The following GAREM1 variants were observed in gnomAD, a reference collection of about 807,000 sequenced individuals.
GAREM1 encodes the protein GRB2 associated regulator of MAPK1 subtype 1.
Under a neutral mutation model 71.3 loss-of-function variants are expected in GAREM1, and 26 were observed. The observed-to-expected ratio is 0.36, with a 90% CI of 0.27 to 0.51. The LOEUF is 0.51. GAREM1 is among the 20% of genes least tolerant of loss of function. The pLI, the probability that GAREM1 is intolerant of heterozygous loss-of-function variation, is 0.95. For synonymous variants in GAREM1, 440 were observed against 433.2 expected, an observed-to-expected ratio of 1.02 and a Z score of -0.20; for missense variants, 1,026 against 1,103.1, an observed-to-expected ratio of 0.93 and a Z score of 0.99.
rs565095348 is a variant in GAREM1 at position 32,272,557 on chromosome 18, T to C, written c.1567-2174A>G. 3.9e-5 allele frequency among the ~76,000 whole-genome samples: 6 copies of C among 151,998 alleles called. No homozygotes were observed. In the South Asian group the frequency reaches 1.2e-3, roughly 32 times the overall value. On this transcript the variant is annotated intron_variant, in intron 4 of 5. Coordinates refer to ENST00000269209, the MANE Select transcript of GAREM1 (RefSeq NM_001242409.2). ...AAAGGATGCCCGGGAGGAAATGAAG[T>C]TTGGATAATCACGTGAGAGGAATGC...
At chr18:32,413,372 C>T in intron 1 of GAREM1, 1 of 639,222 alleles carries the variant, frequency 1.6e-6, no homozygotes, top group Non-Finnish European at 2.7e-6. Context: ...ATACAAATGT[C>T]AATGCTGAAA....
At chr18:32,395,051 T>A (rs1362017820) in intron 1 of GAREM1, among the ~76,000 whole-genome samples, 1 of 152,202 alleles carries the variant, frequency 6.6e-6, no homozygotes, top group African/African-American at 2.4e-5. Flanking sequence ...CTTCTATAAA[T>A]ATTGTAATTC....
chr18:32,357,605 C>A (rs111506463), intron 2 of GAREM1, among the ~76,000 whole-genome samples: 101 of 152,316 alleles, frequency 6.6e-4, no homozygotes, highest in African/African-American at 2.2e-3. Context: ...TGCATCAGCT[C>A]TTCCTAGCAC....
chr18:32,320,591 C>A (rs2047419225), intron 2 of GAREM1, among the ~76,000 whole-genome samples: 1 of 152,100 alleles, frequency 6.6e-6, no homozygotes, highest in Non-Finnish European at 1.5e-5. Context: ...AAATAATGAA[C>A]TGCACCATAG....
Position 32,270,897 on chromosome 18 carries a change from G to GTT in GAREM1, c.1567-516_1567-515dup, listed in dbSNP as rs58914123. Among the ~76,000 whole-genome samples the GTT allele has an allele frequency of 4.8e-3, 444 of 92,606 alleles. 36 individuals carry two copies. The highest frequency in any genetic ancestry group is 0.045 in the East Asian group (134 of 2,978). 60.8% of individuals were successfully genotyped at this position (92,606 alleles called of 152,430 possible). A position where few individuals can be genotyped will look rare whatever the true frequency, so the allele number is the denominator to read the frequency against. On this transcript the variant is annotated intron_variant, in intron 4 of 5. Coordinates refer to ENST00000269209, the MANE Select transcript of GAREM1 (RefSeq NM_001242409.2). ...TCCTTCTGAAGTCATGTTCAGGGAT[G>GTT]TTTTTTTTTTTTTTTTTTTTTTGAG...
Position 32,309,615 on chromosome 18 carries a change from C to CAAAAA in GAREM1, c.393+573_393+577dup, listed in dbSNP as rs11370938. ...TGGGTGACAGAGCAAGACTCAGTCT[C>CAAAAA]AAAAAAAAAAAAAAAAAAAAAAAAA... On this transcript the variant is annotated intron_variant, in intron 3 of 5. Transcript: ENST00000269209. Among the ~76,000 whole-genome samples, 59 of 13,852 alleles carry CAAAAA rather than the reference C, an allele frequency of 4.3e-3. 4 individuals carry two copies. Among genetic ancestry groups the CAAAAA allele is most frequent in the African/African-American group, 9.3e-3 (31 of 3,322 alleles). The allele number at this position is 13,852 out of a possible 152,430, so 9.1% of individuals were successfully genotyped here. A position where few individuals can be genotyped will look rare whatever the true frequency, so the allele number is the denominator to read the frequency against.
intron 2 of GAREM1, among the ~76,000 whole-genome samples, chr18:32,382,974 G>A (rs2048111730): frequency 1.3e-5 from 2 of 152,184 alleles, no homozygotes; most frequent in African/African-American, 4.8e-5. Flanking sequence ...CGTATGGAAT[G>A]TAGAAGGCAT....
At chr18:32,325,531 C>G (rs1054494350) in intron 2 of GAREM1, among the ~76,000 whole-genome samples, 1 of 152,082 alleles carries the variant, frequency 6.6e-6, no homozygotes, top group Non-Finnish European at 1.5e-5. Context: ...TAAAACTGCT[C>G]TAAAAAATTA....
intron 1 of GAREM1, among the ~76,000 whole-genome samples, chr18:32,419,597 A>G (rs2048501325): frequency 6.6e-6 from 1 of 152,204 alleles, no homozygotes; most frequent in African/African-American, 2.4e-5. Flanking sequence ...TCTGTTGTTT[A>G]TAAGCCACCT....
chr18:32,385,278 T>C (rs1047493965), intron 2 of GAREM1, among the ~76,000 whole-genome samples: 2 of 152,136 alleles, frequency 1.3e-5, no homozygotes, highest in Non-Finnish European at 2.9e-5. Context: ...GCAAAAATAG[T>C]TGATCCTTCC....
In GAREM1 at chr18:32,470,144, T is replaced by C. The variant is rs991647224; in HGVS notation, c.121+164A>G. ...CTCCTTGTCTGCTGCTGGGGGGAGT[T>C]GAGAGCAACGCGCCAGGGCTGCGGC... On this transcript the variant is annotated intron_variant, in intron 1 of 5. Coordinates refer to ENST00000269209, the MANE Select transcript of GAREM1 (RefSeq NM_001242409.2). The surrounding 1 kb of genome is among the most constrained non-coding windows in gnomAD (Gnocchi z 4.4). The C allele has an allele frequency of 6.9e-5, 54 of 781,368 alleles. No individual in the cohort carries two copies. In the Admixed American group the frequency reaches 1.3e-3, roughly 18 times the overall value. 48.4% of individuals were successfully genotyped at this position (781,368 alleles called of 1,614,324 possible). A position where few individuals can be genotyped will look rare whatever the true frequency, so the allele number is the denominator to read the frequency against.
intron 1 of GAREM1, among the ~76,000 whole-genome samples, chr18:32,421,484 T>C (rs570515228): frequency 7.9e-5 from 12 of 152,064 alleles, no homozygotes; most frequent in Admixed American, 7.2e-4. Flanking sequence ...CTCACATCAT[T>C]CCCCTGCTTT....
intron 2 of GAREM1, among the ~76,000 whole-genome samples, chr18:32,321,833 A>T (rs1299574847): frequency 6.6e-6 from 1 of 152,106 alleles, no homozygotes; most frequent in Non-Finnish European, 1.5e-5. Flanking sequence ...TTGCCTCTAG[A>T]TTTCCACCCC....
Position 32,287,357 on chromosome 18 carries a change from C to A in GAREM1, c.1240G>T (p.Ala414Ser), listed in dbSNP as rs775277452. The change falls in exon 4 of 6, where the codon GCT (alanine) becomes TCT (serine). Residue 414 changes from alanine (A) to serine (S), a missense_variant. Ala to Ser is a moderately conservative substitution (Grantham distance 99). Coordinates refer to ENST00000269209, the MANE Select transcript of GAREM1 (RefSeq NM_001242409.2). The surrounding 1 kb of genome is among the most constrained non-coding windows in gnomAD (Gnocchi z 5.9). ...HGCRDLGGDW[A>S]PFPHDILPYQ... ...GGCAGGATGTCATGAGGAAAGGGAG[C>A]CCAATCTCCCCCCAGGTCCCTGCAA... 1 of 1,614,150 alleles carries A rather than the reference C, an allele frequency of 6.2e-7. No homozygotes were observed. The highest frequency in any genetic ancestry group is 1.1e-5 in the South Asian group (1 of 91,074).
chr18:32,437,264 G>A (rs965747818), intron 1 of GAREM1, among the ~76,000 whole-genome samples: 1 of 152,136 alleles, frequency 6.6e-6, no homozygotes, highest in African/African-American at 2.4e-5. Flanking sequence ...TAGCTCCTGT[G>A]CTTGCTTTCT....
chr18:32,434,006 G>A (rs1467434980), intron 1 of GAREM1, among the ~76,000 whole-genome samples: 1 of 152,056 alleles, frequency 6.6e-6, no homozygotes, highest in East Asian at 1.9e-4. Flanking sequence ...GAATAAAATT[G>A]GAAGATTCAC....
chr18:32,400,805 C>CA (rs2048307223), intron 1 of GAREM1, among the ~76,000 whole-genome samples: 1 of 152,046 alleles, frequency 6.6e-6, no homozygotes, highest in Non-Finnish European at 1.5e-5. Flanking sequence ...ACCATTTGAC[C>CA]CAGCCATCTC....
In GAREM1 at chr18:32,264,030, C is replaced by T. The variant is rs933711681; in HGVS notation, c.*3841G>A. 10 of 152,090 alleles carry T rather than the reference C, an allele frequency of 6.6e-5. No individual in the cohort carries two copies. The highest frequency in any genetic ancestry group is 1.7e-4 in the African/African-American group (7 of 41,426). The allele number at this position is 152,090 out of a possible 1,614,324, so 9.4% of individuals were successfully genotyped here. A position where few individuals can be genotyped will look rare whatever the true frequency, so the allele number is the denominator to read the frequency against. On this transcript the variant is annotated 3_prime_UTR_variant, in exon 6 of 6. Transcript: ENST00000269209. ...CTTGTTTCTGGCTATCACAATGAGA[C>T]AAATTTTAAAACACCAAGTTTTAAA...
intron 2 of GAREM1, among the ~76,000 whole-genome samples, chr18:32,316,397 T>C (rs1397957140): frequency 6.6e-6 from 1 of 152,228 alleles, no homozygotes; most frequent in Admixed American, 6.5e-5. Flanking sequence ...TGTGTACACA[T>C]ATTATATTTT....
Sources: gnomAD v4.1 joint callset for allele counts (sites outside exome capture counted in the v4.1 genomes callset) on GRCh38, gnomAD v4.1.1 for gene constraint, Gnocchi (gnomAD v3.1) non-coding constraint, MANE v1.5 for transcripts, NCBI Gene and HGNC (gene_info 2026-07-23, HGNC 2026-07-21) for gene names.